XYLT1: variants seen among roughly 807,000 people sequenced by gnomAD.
XYLT1 encodes the protein xylosyltransferase 1.
In XYLT1, 36 loss-of-function variants were observed where a neutral mutation model predicts 91.3. That is an observed-to-expected ratio of 0.39 (90% CI 0.30 to 0.52). XYLT1 has a LOEUF of 0.52. Ranked by LOEUF, XYLT1 falls within the 20% of genes least tolerant of loss-of-function variation. The probability of loss-of-function intolerance (pLI) is 0.68; values close to 1 mark genes in which losing one functional copy is unlikely to be tolerated. For missense variants in XYLT1, 1,242 were observed against 1,284.5 expected (o/e 0.97, Z 0.51); for synonymous variants, 588 against 532.0 (o/e 1.11, Z -1.45).
intron 9 of XYLT1, 77 bp from the exon 10 acceptor site, chr16:17,127,938 T>C (rs2030322222): frequency 6.9e-7 from 1 of 1,441,726 alleles, no homozygotes. Context: ...ACCAAGCTAG[T>C]TTTGTTCCTA....
At chr16:17,247,965 G>A (rs1407442264) in intron 3 of XYLT1, among the ~76,000 whole-genome samples, 1 of 152,194 alleles carries the variant, frequency 6.6e-6, no homozygotes, top group Non-Finnish European at 1.5e-5. Context: ...ATTCTGTAGA[G>A]AGAGGATGTG....
At chr16:17,394,014 A>C in intron 1 of XYLT1, among the ~76,000 whole-genome samples, 1 of 151,938 alleles carries the variant, frequency 6.6e-6, no homozygotes, top group Non-Finnish European at 1.5e-5. Flanking sequence ...TGACCTCATG[A>C]TCCACCCACC....
intron 5 of XYLT1, among the ~76,000 whole-genome samples, chr16:17,167,865 T>C (rs2031735845): frequency 6.6e-6 from 1 of 152,218 alleles, no homozygotes; most frequent in African/African-American, 2.4e-5. Context: ...TTCTAACCCA[T>C]CCTTCCATCT....
At chr16:17,263,316 A>G (rs9935411) in intron 2 of XYLT1, among the ~76,000 whole-genome samples, 2,754 of 152,176 alleles carry the variant, frequency 0.018, 78 homozygotes, top group African/African-American at 0.062. Context: ...TGACAATCAG[A>G]GAATGGCCAA....
intron 3 of XYLT1, among the ~76,000 whole-genome samples, chr16:17,219,492 G>A (rs149249219): frequency 1.3e-5 from 2 of 152,190 alleles, no homozygotes; most frequent in South Asian, 2.1e-4. Flanking sequence ...CTTGGTGCTT[G>A]TATTAATCGA....
intron 5 of XYLT1, among the ~76,000 whole-genome samples, chr16:17,187,355 T>C (rs66869179): frequency 0.59 from 84,813 of 142,862 alleles, 27,214 homozygotes; most frequent in African/African-American, 0.84. Context: ...GATCACGCCA[T>C]TGCACTCCAG....
chr16:17,261,223 G>A (rs1361130307), intron 2 of XYLT1, among the ~76,000 whole-genome samples: 1 of 145,500 alleles, frequency 6.9e-6, no homozygotes, highest in East Asian at 2.0e-4. Flanking sequence ...AGCCTGGGGG[G>A]AGAGTGAAAC....
chr16:17,268,102 C>A (rs1003594900), intron 2 of XYLT1, among the ~76,000 whole-genome samples: 1 of 152,122 alleles, frequency 6.6e-6, no homozygotes, highest in African/African-American at 2.4e-5. Flanking sequence ...TTCTCGCTTA[C>A]TCTCTCATGA....
chr16:17,393,803 C>T (rs927293543), intron 1 of XYLT1, among the ~76,000 whole-genome samples: 1 of 151,714 alleles, frequency 6.6e-6, no homozygotes, highest in Non-Finnish European at 1.5e-5. Context: ...TGAGATGGAG[C>T]CTTGCTCTGT....
At chr16:17,135,480 G>A (rs113729760) in intron 8 of XYLT1, among the ~76,000 whole-genome samples, 2,452 of 151,218 alleles carry the variant, frequency 0.016, 39 homozygotes, top group South Asian at 0.033. Flanking sequence ...CGAGACTGCC[G>A]CTGCACTCCA....
chr16:17,304,238 G>C (rs1262484005), intron 2 of XYLT1, among the ~76,000 whole-genome samples: 5 of 152,188 alleles, frequency 3.3e-5, no homozygotes, highest in Admixed American at 2.0e-4. Context: ...GGCTGGGATA[G>C]CATTCCTCCC....
intron 9 of XYLT1, among the ~76,000 whole-genome samples, chr16:17,129,097 A>G (rs1378133829): frequency 7.2e-6 from 1 of 138,136 alleles, no homozygotes; most frequent in African/African-American, 2.7e-5. Flanking sequence ...AAAAAAAAAA[A>G]CTTGAACAGT....
chr16:17,351,670 A>C (rs1486259820), intron 2 of XYLT1, among the ~76,000 whole-genome samples: 3 of 151,890 alleles, frequency 2.0e-5, no homozygotes, highest in East Asian at 3.9e-4. Context: ...GTCTTTGTAA[A>C]ATAAACTGTC....
At chr16:17,428,798 C>T (rs141733751) in intron 1 of XYLT1, among the ~76,000 whole-genome samples, 1 of 152,206 alleles carries the variant, frequency 6.6e-6, no homozygotes, top group African/African-American at 2.4e-5. Context: ...CCAAAAGGTT[C>T]CTGATTAACA....
intron 1 of XYLT1, among the ~76,000 whole-genome samples, chr16:17,406,117 G>A (rs533661977): frequency 5.3e-5 from 8 of 152,294 alleles, no homozygotes; most frequent in African/African-American, 1.7e-4. Context: ...CCTGGGAGGT[G>A]GAGGCTGCAA....
intron 3 of XYLT1, among the ~76,000 whole-genome samples, chr16:17,218,088 T>C (rs939995573): frequency 6.6e-6 from 1 of 151,900 alleles, no homozygotes; most frequent in Admixed American, 6.6e-5. Context: ...TGAAACCTCA[T>C]CTCTACTAAA....
intron 11 of XYLT1, among the ~76,000 whole-genome samples, chr16:17,115,033 A>G (rs1597128205): frequency 2.0e-5 from 3 of 152,110 alleles, no homozygotes; most frequent in South Asian, 2.1e-4. Context: ...TTTAGTAGAG[A>G]CAGGGTTTCA....
chr16:17,138,310 GGAAGGCATCACTTA>G, intron 8 of XYLT1, 31 bp downstream of exon 8: 1 of 1,594,768 alleles, frequency 6.3e-7, no homozygotes, highest in Non-Finnish European at 8.6e-7. Context: ...AGGTTTGTTG[GGAAGGCATCACTTA>G]GGAGGCTGGC....
At chr16:17,148,049 C>A (rs2031182851) in intron 6 of XYLT1, among the ~76,000 whole-genome samples, 1 of 152,204 alleles carries the variant, frequency 6.6e-6, no homozygotes, top group Admixed American at 6.5e-5. Flanking sequence ...GGTACTAATC[C>A]TGCCTCTGCA....
Sources: allele counts gnomAD v4.1 joint callset (sites outside exome capture counted in the v4.1 genomes callset), GRCh38; gene constraint gnomAD v4.1.1; transcripts MANE v1.5; gene names NCBI Gene and HGNC (gene_info 2026-07-23, HGNC 2026-07-21).